DHX40: variants seen among roughly 807,000 people sequenced by gnomAD.
DHX40 encodes probable ATP-dependent RNA helicase DHX40.
DHX40 carries 28 observed loss-of-function variants against 89.6 expected under a neutral mutation model. The observed-to-expected ratio is 0.31, with a 90% CI of 0.23 to 0.43. The LOEUF is 0.43. Among genes scored for constraint, DHX40 ranks in the 20% least tolerant of loss-of-function variants. The probability of loss-of-function intolerance (pLI) is 1.00; values close to 1 mark genes in which losing one functional copy is unlikely to be tolerated. For synonymous variants in DHX40, 226 were observed against 283.6 expected, an observed-to-expected ratio of 0.80 and a Z score of 2.04; for missense variants, 457 against 844.0, an observed-to-expected ratio of 0.54 and a Z score of 5.68.
intron 12 of DHX40, among the ~76,000 whole-genome samples, chr17:59,597,789 G>T (rs1024744423): frequency 1.3e-5 from 2 of 151,266 alleles, no homozygotes; most frequent in Non-Finnish European, 3.0e-5. Flanking sequence ...CAAAAAATTA[G>T]CCGGGCGCGG....
At chr17:59,572,139 T>C (rs2048818662) in intron 3 of DHX40, among the ~76,000 whole-genome samples, 1 of 152,230 alleles carries the variant, frequency 6.6e-6, no homozygotes, top group Non-Finnish European at 1.5e-5. Context: ...GTGAATATTA[T>C]AATTTACATT....
At chr17:59,577,132 G>A (rs1019422439) in intron 7 of DHX40, 134 bp from the exon 8 acceptor site, 4 of 717,950 alleles carry the variant, frequency 5.6e-6, no homozygotes, top group Non-Finnish European at 1.0e-5. Flanking sequence ...GCCTCCCAAA[G>A]TGCTGGGATT....
At chr17:59,585,293 A>C (rs1379463755) in intron 10 of DHX40, among the ~76,000 whole-genome samples, 1 of 124,410 alleles carries the variant, frequency 8.0e-6, no homozygotes, top group African/African-American at 3.4e-5. Context: ...CCAGCTACTC[A>C]GCAGGCTGAG....
intron 12 of DHX40, among the ~76,000 whole-genome samples, chr17:59,589,969 C>T (rs570778244): frequency 6.6e-6 from 1 of 151,124 alleles, no homozygotes; most frequent in South Asian, 2.1e-4. Flanking sequence ...GATCTGCCTA[C>T]CTTGGCCTTG....
At chr17:59,591,321 A>C (rs1248633759) in intron 12 of DHX40, among the ~76,000 whole-genome samples, 1 of 150,502 alleles carries the variant, frequency 6.6e-6, no homozygotes, top group Non-Finnish European at 1.5e-5. Flanking sequence ...GAAAAAAGAA[A>C]GAAAGAAATA....
chr17:59,595,873 G>C (rs913435516), intron 12 of DHX40, among the ~76,000 whole-genome samples: 1 of 146,602 alleles, frequency 6.8e-6, no homozygotes, highest in Non-Finnish European at 1.5e-5. Flanking sequence ...AGGCTCACTA[G>C]CCACAGAGAG....
Position 59,587,991 on chromosome 17 carries a change from G to A in DHX40, c.1520G>A (p.Cys507Tyr). Residue 507 changes from cysteine to tyrosine, a missense_variant, in exon 12 of 18, where the codon TGT becomes TAT. Cys to Tyr is a radical substitution (Grantham distance 194, BLOSUM62 -2). Coordinates refer to ENST00000251241, the MANE Select transcript of DHX40 (RefSeq NM_024612.5). ...CAVIKAASLDCEDLLLPIAAM... is the reference protein window; with the variant it reads ...CAVIKAASLDYEDLLLPIAAM... Reference sequence around the variant, plus strand: ...GTAATAAAAGCTGCTTCCCTGGATTGTGAAGATCTACTACTTCCAATAGCA... The same window carrying A: ...GTAATAAAAGCTGCTTCCCTGGATTATGAAGATCTACTACTTCCAATAGCA... 6.2e-7 allele frequency: 1 copy of A among 1,613,760 alleles called. No individual in the cohort carries two copies. Among genetic ancestry groups the A allele is most frequent in the Non-Finnish European group, 8.5e-7 (1 of 1,179,804 alleles).
In DHX40 at chr17:59,577,354, A is replaced by G; in HGVS notation, c.1062A>G (p.Ile354Met). 6.2e-7 allele frequency: 1 copy of G among 1,613,606 alleles called. No homozygotes were observed. The highest frequency in any genetic ancestry group is 8.5e-7 in the Non-Finnish European group (1 of 1,179,614). The stretch of plus-strand genomic sequence containing the variant: ...ATATTTCTGCAACGTCTTTGACAAT[A>G]GATGGAATCAGGTAAAACTTTTGAA... ...STNISATSLT[I>M]DGIRYVVDGG... The change falls in exon 8 of 18, where the codon ATA (isoleucine) becomes ATG (methionine). Residue 354 changes from isoleucine to methionine, a missense_variant. Physicochemically the swap from Ile to Met is conservative, Grantham distance 10 (BLOSUM62 1). Coordinates refer to ENST00000251241, the MANE Select transcript of DHX40 (RefSeq NM_024612.5).
intron 17 of DHX40, among the ~76,000 whole-genome samples, chr17:59,605,967 TA>T (rs569471094): frequency 1.0e-3 from 147 of 143,218 alleles, no homozygotes; most frequent in Middle Eastern, 7.0e-3. Context: ...ACACTATCTC[TA>T]AAAAAAAAAA....
Position 59,570,108 on chromosome 17 carries a change from ATATAT to A in DHX40, c.281-405_281-401del, listed in dbSNP as rs1306446443. On this transcript the variant is annotated intron_variant, in intron 2 of 17. Transcript: ENST00000251241. ...TATATAATATATAGTATATATTATA[ATATAT>A]TATAATGTATATTTATATATAATAT... is the stretch of plus-strand genomic sequence containing the variant. Among the ~76,000 whole-genome samples the A allele has an allele frequency of 8.1e-4, 103 of 127,926 alleles. 2 individuals carry two copies. Among genetic ancestry groups the A allele is most frequent in the South Asian group, 1.9e-3 (9 of 4,674 alleles). The allele number at this position is 127,926 out of a possible 152,430, so 83.9% of individuals were successfully genotyped here.
intron 2 of DHX40, 99 bp from the exon 3 acceptor site, chr17:59,570,419 C>A: frequency 8.3e-7 from 1 of 1,198,908 alleles, no homozygotes; most frequent in South Asian, 2.0e-5. Context: ...CTTTTGGAAA[C>A]ATTCAAGCAG....
chr17:59,566,180 CT>C (rs946431923), intron 1 of DHX40, among the ~76,000 whole-genome samples: 1 of 152,152 alleles, frequency 6.6e-6, no homozygotes, highest in African/African-American at 2.4e-5. Flanking sequence ...ACCACTTGGC[CT>C]TCTGGGATAT....
rs545288078 is a variant in DHX40, at chr17:59,601,522, T to G, written c.1807-1000T>G. Among the ~76,000 whole-genome samples, 8 of 152,264 alleles carry G rather than the reference T, an allele frequency of 5.3e-5. No individual in the cohort carries two copies. The East Asian group carries it at 1.3e-3, about 26-fold the overall frequency. On this transcript the variant is annotated intron_variant, in intron 14 of 17. Coordinates refer to ENST00000251241, the MANE Select transcript of DHX40 (RefSeq NM_024612.5). ...TGTATTTTCATCTCTAGATGTTGGA[T>G]TTCAGTCTTTAAATTTTTACATTTT... is the stretch of plus-strand genomic sequence containing the variant.
chr17:59,602,864 C>G (rs2143364827), intron 15 of DHX40, among the ~76,000 whole-genome samples: 1 of 152,178 alleles, frequency 6.6e-6, no homozygotes, highest in African/African-American at 2.4e-5. Flanking sequence ...GTTATCTTCA[C>G]TTAAGGCAAG....
At chr17:59,577,016 C>T (rs1302469347) in intron 7 of DHX40, 22 of 433,376 alleles carry the variant, frequency 5.1e-5, no homozygotes, top group African/African-American at 1.0e-4. Flanking sequence ...ACTACAGGGG[C>T]GCGCCCCCAC....
chr17:59,606,069 G>A (rs1466476443), intron 17 of DHX40, among the ~76,000 whole-genome samples: 2 of 151,620 alleles, frequency 1.3e-5, no homozygotes, highest in Non-Finnish European at 2.9e-5. Flanking sequence ...TCTTTGAGAC[G>A]GAGTTTTGCT....
chr17:59,585,732 GC>G (rs1170165588), intron 10 of DHX40, among the ~76,000 whole-genome samples: 1 of 148,122 alleles, frequency 6.8e-6, no homozygotes, highest in Non-Finnish European at 1.5e-5. Flanking sequence ...CCAAAAAAAA[GC>G]ATTTTGAGGT....
chr17:59,587,264 C>T (rs1427406142), intron 11 of DHX40, among the ~76,000 whole-genome samples: 1 of 151,162 alleles, frequency 6.6e-6, no homozygotes, highest in African/African-American at 2.4e-5. Flanking sequence ...ACTCTTGTTG[C>T]CCAGACTGGA....
chr17:59,577,221 A>G (rs780185157), intron 7 of DHX40, 45 bp from the exon 8 acceptor site: 3 of 1,442,046 alleles, frequency 2.1e-6, no homozygotes, highest in South Asian at 1.1e-5. Flanking sequence ...CGAGTTTGAC[A>G]CATGCATGTT....
Sources: allele counts gnomAD v4.1 joint callset (sites outside exome capture counted in the v4.1 genomes callset), GRCh38; gene constraint gnomAD v4.1.1; transcripts MANE v1.5; gene names NCBI Gene and HGNC (gene_info 2026-07-23, HGNC 2026-07-21).